The following EYS variants were observed in gnomAD, a reference collection of about 807,000 sequenced individuals.
EYS encodes the protein protein eyes shut homolog.
In EYS, 250 loss-of-function variants were observed where a neutral mutation model predicts 282.1. The observed-to-expected ratio is 0.89, with a 90% CI of 0.80 to 0.98. The LOEUF is 0.98. EYS is among the 50% of genes least tolerant of loss of function. The probability of loss-of-function intolerance (pLI) is 0.00; values close to 1 mark genes in which losing one functional copy is unlikely to be tolerated. For synonymous variants in EYS, 1,355 were observed against 1,282.9 expected (o/e 1.06, Z -1.20); for missense variants, 4,016 against 3,709.0 (o/e 1.08, Z -2.15).
At chr6:64,516,130 T>C (rs1267561788) in intron 26 of EYS, among the ~76,000 whole-genome samples, 1 of 151,756 alleles carries the variant, frequency 6.6e-6, no homozygotes, top group Non-Finnish European at 1.5e-5. Flanking sequence ...CATGGACACA[T>C]AGAGGGGGAA....
At chr6:64,031,177 C>A (rs778383135) in intron 33 of EYS, among the ~76,000 whole-genome samples, 26 of 152,180 alleles carry the variant, frequency 1.7e-4, no homozygotes, top group Non-Finnish European at 1.0e-4. Context: ...TGGGCGGGAA[C>A]CGGGGCTGCA....
chr6:64,379,891 T>A (rs1193293738), intron 29 of EYS, among the ~76,000 whole-genome samples: 6 of 152,276 alleles, frequency 3.9e-5, no homozygotes, highest in African/African-American at 1.4e-4. Context: ...TCCAACTTCA[T>A]CATTTATGGA....
intron 26 of EYS, among the ~76,000 whole-genome samples, chr6:64,451,277 A>G (rs1206180192): frequency 1.3e-5 from 2 of 152,230 alleles, no homozygotes; most frequent in South Asian, 4.1e-4. Flanking sequence ...GATAAATTCC[A>G]TGACACACAC....
At chr6:64,918,404 T>C (rs909870399) in intron 15 of EYS, among the ~76,000 whole-genome samples, 40 of 152,152 alleles carry the variant, frequency 2.6e-4, no homozygotes, top group African/African-American at 9.4e-4. Context: ...AAAAGTAAAA[T>C]TAAGGAATTT....
At chr6:64,154,054 A>G (rs1227336221) in intron 31 of EYS, among the ~76,000 whole-genome samples, 3 of 152,332 alleles carry the variant, frequency 2.0e-5, no homozygotes, top group Admixed American at 6.5e-5. Flanking sequence ...CTGTTTTTAG[A>G]TATTTATTTG....
chr6:64,009,172 A>G (rs1473804800), intron 33 of EYS, among the ~76,000 whole-genome samples: 2 of 149,860 alleles, frequency 1.3e-5, no homozygotes, highest in Non-Finnish European at 3.0e-5. Context: ...TTTTTTATTC[A>G]TTTTTCTTTA....
intron 19 of EYS, among the ~76,000 whole-genome samples, chr6:64,879,976 A>G (rs1766864662): frequency 6.6e-6 from 1 of 152,008 alleles, no homozygotes; most frequent in Admixed American, 6.6e-5. Flanking sequence ...GCTGTGTTTT[A>G]TATTATTCTC....
chr6:64,242,516 G>A (rs1004254427), intron 30 of EYS, among the ~76,000 whole-genome samples: 2 of 151,692 alleles, frequency 1.3e-5, no homozygotes, highest in South Asian at 2.1e-4. Flanking sequence ...TTTGACATCC[G>A]TGACTTTAGC....
At chr6:65,441,247 C>G (rs1724360254) in intron 5 of EYS, among the ~76,000 whole-genome samples, 1 of 151,482 alleles carries the variant, frequency 6.6e-6, no homozygotes, top group South Asian at 2.1e-4. Context: ...CACATTATGT[C>G]TCTTCAGGAT....
chr6:64,290,289 C>T (rs1768655163), intron 30 of EYS, among the ~76,000 whole-genome samples: 1 of 151,910 alleles, frequency 6.6e-6, no homozygotes, highest in African/African-American at 2.4e-5. Context: ...TCCTTAATGA[C>T]AGGGACTTTA....
chr6:65,396,006 T>C (rs1212576895), intron 7 of EYS, among the ~76,000 whole-genome samples: 2 of 152,214 alleles, frequency 1.3e-5, no homozygotes, highest in Non-Finnish European at 2.9e-5. Flanking sequence ...CATTCATCCA[T>C]GCTGCCGCAG....
intron 31 of EYS, among the ~76,000 whole-genome samples, chr6:64,153,847 T>G (rs1448761696): frequency 6.6e-6 from 1 of 152,196 alleles, no homozygotes; most frequent in East Asian, 1.9e-4. Flanking sequence ...TTTACAAAAC[T>G]TTTTATTTTT....
intron 19 of EYS, among the ~76,000 whole-genome samples, chr6:64,847,327 A>G (rs1295945130): frequency 6.6e-6 from 1 of 151,916 alleles, no homozygotes; most frequent in Non-Finnish European, 1.5e-5. Flanking sequence ...ATTTCTCTGA[A>G]GAACGCTAAT....
At chr6:64,435,040 G>C (rs1000633815) in intron 28 of EYS, among the ~76,000 whole-genome samples, 1 of 151,926 alleles carries the variant, frequency 6.6e-6, no homozygotes, top group Non-Finnish European at 1.5e-5. Flanking sequence ...TTATTACCTC[G>C]ACTGAGATGG....
intron 2 of EYS, among the ~76,000 whole-genome samples, chr6:65,585,189 G>A (rs1765003138): frequency 6.6e-6 from 1 of 151,656 alleles, no homozygotes; most frequent in Non-Finnish European, 1.5e-5. Context: ...ACATGAAATG[G>A]AACACAGTTA....
At chr6:65,322,565 G>A (rs900957771) in intron 11 of EYS, among the ~76,000 whole-genome samples, 1 of 151,966 alleles carries the variant, frequency 6.6e-6, no homozygotes, top group African/African-American at 2.4e-5. Flanking sequence ...GGGAGACCAA[G>A]GTGGGTGGAT....
intron 36 of EYS, among the ~76,000 whole-genome samples, chr6:63,839,430 A>G (rs1024730418): frequency 1.3e-5 from 2 of 152,216 alleles, no homozygotes; most frequent in African/African-American, 4.8e-5. Flanking sequence ...TCCATTGTGT[A>G]TATGTATGAC....
intron 29 of EYS, among the ~76,000 whole-genome samples, chr6:64,322,995 G>A (rs574730888): frequency 6.6e-6 from 1 of 152,122 alleles, no homozygotes; most frequent in East Asian, 1.9e-4. Context: ...TTTCAATGCA[G>A]CTATCTGTAT....
At chr6:64,971,849 A>T (rs981933295) in intron 14 of EYS, among the ~76,000 whole-genome samples, 1 of 152,158 alleles carries the variant, frequency 6.6e-6, no homozygotes, top group African/African-American at 2.4e-5. Flanking sequence ...AACATTGGAG[A>T]TGCCTTTGTT....
Sources: gnomAD v4.1 joint callset for allele counts (sites outside exome capture counted in the v4.1 genomes callset) on GRCh38, gnomAD v4.1.1 for gene constraint, MANE v1.5 for transcripts, NCBI Gene and HGNC (gene_info 2026-07-23, HGNC 2026-07-21) for gene names.